ZNF655: variants seen among roughly 807,000 people sequenced by gnomAD.
ZNF655 encodes zinc finger protein 655, also known as Vav-interacting Kruppel-like protein 1.
Under a neutral mutation model 6.6 loss-of-function variants are expected in ZNF655, and 3 were observed. The ratio of observed to expected loss-of-function variants is 0.46; its 90% CI spans 0.21 to 1.18. The LOEUF (loss-of-function observed/expected upper bound fraction) is 1.18, where lower values mean the gene tolerates loss of function less well. Ranked by LOEUF, ZNF655 falls within the 50% of genes most tolerant of loss-of-function variation. The probability of loss-of-function intolerance (pLI) is 0.24; values close to 1 mark genes in which losing one functional copy is unlikely to be tolerated. For missense variants in ZNF655, 526 were observed against 572.3 expected (o/e 0.92, Z 0.83); for synonymous variants, 178 against 195.0 (o/e 0.91, Z 0.73).
At chr7:99,563,920 T>C (rs779382796) in intron 2 of ZNF655, 23 of 1,613,666 alleles carry the variant, frequency 1.4e-5, no homozygotes, top group Non-Finnish European at 1.9e-5. Flanking sequence ...TGCCCGGCCC[T>C]GAGTCATACC....
chr7:99,559,685 T>C (rs1802931981), intron 1 of ZNF655, among the ~76,000 whole-genome samples: 1 of 152,130 alleles, frequency 6.6e-6, no homozygotes, highest in African/African-American at 2.4e-5. Context: ...TGGAATGCAG[T>C]GGCGCAGTCA....
Position 99,573,307 on chromosome 7 carries a change from G to T in ZNF655, c.1199G>T (p.Arg400Ile), listed in dbSNP as rs1313642846. The T allele has an allele frequency of 1.9e-6, 3 of 1,614,156 alleles. No homozygotes were observed. The highest frequency in any genetic ancestry group is 2.5e-6 in the Non-Finnish European group (3 of 1,180,012). Residue 400 changes from arginine (R) to isoleucine (I), a missense_variant, in exon 3 of 3, where the codon AGA (arginine) becomes ATA (isoleucine). Physicochemically the swap from Arg to Ile is moderately conservative, Grantham distance 97. Transcript: ENST00000252713. ...AATTCACATCTTATTCAGCATCAAA[G>T]AATTCACACAGGAGAGAAAGCACAT... ...RLNSHLIQHQ[R>I]IHTGEKAHEC...
In ZNF655 at chr7:99,560,528, T is replaced by A. The variant is rs766970294; in HGVS notation, c.-27-5T>A. 6.2e-7 allele frequency: 1 copy of A among 1,609,060 alleles called. No individual in the cohort carries two copies. ...ACAGTAATTTCTCTTAATCTTACCT[T>A]GCAGTGATGGTCATTGTCCTCCAGA... On this transcript the variant is annotated splice_region_variant and splice_polypyrimidine_tract_variant and intron_variant, in intron 1 of 2. Transcript: ENST00000252713.
chr7:99,570,276 AACTTT>A (rs1178027374), intron 2 of ZNF655: 3 of 152,238 alleles, frequency 2.0e-5, no homozygotes, highest in Non-Finnish European at 4.4e-5. Context: ...ATGTTACACT[AACTTT>A]ACTTTTTAAA....
chr7:99,564,188 A>G (rs912761337), intron 2 of ZNF655: 47 of 1,404,396 alleles, frequency 3.3e-5, no homozygotes, highest in Non-Finnish European at 4.1e-5. Flanking sequence ...TTGCAACCAG[A>G]TATGTTTTGA....
In ZNF655 at chr7:99,573,620, G is replaced by A. The variant is rs1700478354; in HGVS notation, c.*36G>A. 6.4e-7 allele frequency: 1 copy of A among 1,571,468 alleles called. No individual in the cohort carries two copies. Among genetic ancestry groups the A allele is most frequent in the Non-Finnish European group, 8.6e-7 (1 of 1,165,870 alleles). On this transcript the variant is annotated 3_prime_UTR_variant, in exon 3 of 3. Coordinates refer to ENST00000252713, the MANE Select transcript of ZNF655 (RefSeq NM_138494.3). ...GATGGGAAGATATTTATCAAATTCA[G>A]GCTTCATTCAGCATCTGAGAGTTCA... is the stretch of plus-strand genomic sequence containing the variant.
intron 2 of ZNF655, among the ~76,000 whole-genome samples, chr7:99,561,111 AT>A (rs1803110505): frequency 6.6e-6 from 1 of 151,992 alleles, no homozygotes; most frequent in Admixed American, 6.6e-5. Context: ...CCTGCCATCC[AT>A]TCTGTTGTAA....
At position 99,560,642 on chromosome 7, in the gene ZNF655, C is replaced by T. The variant is rs753291417; in HGVS notation, c.83C>T (p.Ser28Phe). 6.2e-7 allele frequency: 1 copy of T among 1,614,072 alleles called. No homozygotes were observed. Among genetic ancestry groups the T allele is most frequent in the Non-Finnish European group, 8.5e-7 (1 of 1,180,002 alleles). Residue 28 changes from serine to phenylalanine, a missense_variant, in exon 2 of 3, where the codon TCC becomes TTC. Coordinates refer to ENST00000252713, the MANE Select transcript of ZNF655 (RefSeq NM_138494.3). ...QSLETQSECL[S>F]PEPQFVQDTD... is the part of the protein sequence containing the mutation. ...TTGGAGACCCAGTCTGAGTGTCTGTCCCCAGAGCCTCAGTTTGTGCAGGAC... is the reference window on the plus strand; with the variant it reads ...TTGGAGACCCAGTCTGAGTGTCTGTTCCCAGAGCCTCAGTTTGTGCAGGAC...
At chr7:99,562,287 AC>A (rs1043181065) in intron 2 of ZNF655, 2 of 1,564,030 alleles carry the variant, frequency 1.3e-6, no homozygotes, top group African/African-American at 2.7e-5. Context: ...CACAGTGGAT[AC>A]CCTCTCTATG....
Position 99,573,803 on chromosome 7 carries a change from A to T in ZNF655, c.*219A>T, listed in dbSNP as rs1804251133. 1 of 540,188 alleles carries T rather than the reference A, an allele frequency of 1.9e-6. No homozygotes were observed. Among genetic ancestry groups the T allele is most frequent in the Non-Finnish European group, 3.1e-6 (1 of 319,108 alleles). The allele number at this position is 540,188 out of a possible 1,614,324, so 33.5% of individuals were successfully genotyped here. On this transcript the variant is annotated 3_prime_UTR_variant, in exon 3 of 3. Coordinates refer to ENST00000252713, the MANE Select transcript of ZNF655 (RefSeq NM_138494.3). The stretch of plus-strand genomic sequence containing the variant: ...TTAAACTCTTAATCGACTCCTGCAA[A>T]TCTATACCAGTGAGAAATCTTACAA...
chr7:99,563,913 C>G, intron 2 of ZNF655: 1 of 1,613,464 alleles, frequency 6.2e-7, no homozygotes, highest in Non-Finnish European at 8.5e-7. Context: ...GAATTCCTGC[C>G]CGGCCCTGAG....
chr7:99,561,876 C>G (rs1211454902), intron 2 of ZNF655: 1 of 1,491,784 alleles, frequency 6.7e-7, no homozygotes, highest in Non-Finnish European at 9.0e-7. Flanking sequence ...TCACTCCTTT[C>G]TCCTCCCTCA....
intron 2 of ZNF655, among the ~76,000 whole-genome samples, chr7:99,568,143 G>A (rs1351973118): frequency 6.6e-6 from 1 of 151,666 alleles, no homozygotes; most frequent in Non-Finnish European, 1.5e-5. Context: ...CAAGCGATAT[G>A]AGCCATAGAC....
chr7:99,559,212 C>T (rs1426909919), intron 1 of ZNF655, among the ~76,000 whole-genome samples: 3 of 152,166 alleles, frequency 2.0e-5, no homozygotes, highest in African/African-American at 4.8e-5. Flanking sequence ...CCTGTTCGAA[C>T]CGCAGCTCTT....
chr7:99,560,640 G>C lies in ZNF655; in HGVS notation c.81G>C (p.Leu27=). The change falls in exon 2 of 3, where the codon CTG becomes CTC. Residue 27 remains leucine (L), a synonymous_variant. Transcript: ENST00000252713. Reference sequence around the variant, plus strand: ...CTTTGGAGACCCAGTCTGAGTGTCTGTCCCCAGAGCCTCAGTTTGTGCAGG... The same window carrying C: ...CTTTGGAGACCCAGTCTGAGTGTCTCTCCCCAGAGCCTCAGTTTGTGCAGG... ...FQSLETQSEC[L]SPEPQFVQDT... is the part of the protein sequence containing the mutation. 4 of 1,614,174 alleles carry C rather than the reference G, an allele frequency of 2.5e-6. No individual in the cohort carries two copies. Among genetic ancestry groups the C allele is most frequent in the Non-Finnish European group, 3.4e-6 (4 of 1,180,030 alleles).
Position 99,572,906 on chromosome 7 carries a change from A to G in ZNF655, c.798A>G (p.Lys266=), listed in dbSNP as rs372852114. ...SRHKRIHTRE[K]PYKCEASDKS... is the part of the protein sequence containing the mutation. ...ATAAAAGAATACACACTAGAGAAAA[A>G]CCTTACAAATGTGAAGCATCTGATA... is the stretch of plus-strand genomic sequence containing the variant. Residue 266 remains lysine (K), a synonymous_variant, in exon 3 of 3, where the codon AAA becomes AAG. Transcript: ENST00000252713. 161 of 1,614,114 alleles carry G rather than the reference A, an allele frequency of 1.0e-4. No individual in the cohort carries two copies. The highest frequency in any genetic ancestry group is 1.3e-4 in the Non-Finnish European group (155 of 1,179,994).
At chr7:99,567,401 C>T (rs571362541) in intron 2 of ZNF655, among the ~76,000 whole-genome samples, 89 of 151,396 alleles carry the variant, frequency 5.9e-4, no homozygotes, top group African/African-American at 1.6e-3. Context: ...GGCATGGTGG[C>T]GCATGCCTGT....
At chr7:99,568,228 T>C (rs1473424536) in intron 2 of ZNF655, among the ~76,000 whole-genome samples, 1 of 151,972 alleles carries the variant, frequency 6.6e-6, no homozygotes, top group African/African-American at 2.4e-5. Context: ...TCCTCAAATT[T>C]ATTATTGTTT....
In ZNF655 at chr7:99,572,937, T is replaced by G. The variant is rs907593399; in HGVS notation, c.829T>G (p.Cys277Gly). The G allele has an allele frequency of 1.9e-6, 3 of 1,614,098 alleles. No individual in the cohort carries two copies. The highest frequency in any genetic ancestry group is 2.5e-6 in the Non-Finnish European group (3 of 1,179,980). ...PYKCEASDKS[C>G]EASDKSCSPS... is the part of the protein sequence containing the mutation. Reference sequence around the variant, plus strand: ...CAAATGTGAAGCATCTGATAAATCCTGTGAAGCGTCTGATAAATCCTGTAG... The same window carrying G: ...CAAATGTGAAGCATCTGATAAATCCGGTGAAGCGTCTGATAAATCCTGTAG... Residue 277 changes from cysteine (C) to glycine (G), a missense_variant, in exon 3 of 3, where the codon TGT becomes GGT. Transcript: ENST00000252713.
Sources: gnomAD v4.1 joint callset for allele counts (sites outside exome capture counted in the v4.1 genomes callset) on GRCh38, gnomAD v4.1.1 for gene constraint, MANE v1.5 for transcripts, NCBI Gene and HGNC (gene_info 2026-07-23, HGNC 2026-07-21) for gene names.